Variants in CPAP observed in about 807,000 individuals in gnomAD.
The protein encoded by CPAP is centrosomal P4.1-associated protein.
At chr13:24,892,776 A>G in the CPAP span, 1 of 1,613,828 alleles carries the variant, frequency 6.2e-7, no homozygotes, top group Non-Finnish European at 8.5e-7. Context: ...TAACATTTGT[A>G]TCTGGCTTCT....
chr13:24,915,555 G>A, the CPAP span, among the ~76,000 whole-genome samples: 1 of 152,218 alleles, frequency 6.6e-6, no homozygotes, highest in South Asian at 2.1e-4. Flanking sequence ...TGTAATCCCA[G>A]CACTTTGGGA....
the CPAP span, among the ~76,000 whole-genome samples, chr13:24,898,323 G>A: frequency 6.6e-6 from 1 of 152,116 alleles, no homozygotes; most frequent in African/African-American, 2.4e-5. Flanking sequence ...AGTACAGCGG[G>A]GAGAGAGATG....
the CPAP span, chr13:24,933,577 C>G: frequency 6.3e-6 from 1 of 158,964 alleles, no homozygotes; most frequent in Non-Finnish European, 1.4e-5. Flanking sequence ...GACTCATCTT[C>G]GCAGTGTAGC....
the CPAP span, among the ~76,000 whole-genome samples, chr13:24,924,221 G>A: frequency 0.27 from 41,111 of 151,934 alleles, 5,986 homozygotes; most frequent in Admixed American, 0.37. Context: ...GCCAGACAAG[G>A]ACCCAAACAA....
chr13:24,905,214 CA>C, the CPAP span: 1 of 839,552 alleles, frequency 1.2e-6, no homozygotes, highest in Admixed American at 2.4e-5. Context: ...CAAATTTTTA[CA>C]AATCACCCAT....
the CPAP span, among the ~76,000 whole-genome samples, chr13:24,913,558 G>A: frequency 3.9e-5 from 6 of 152,262 alleles, no homozygotes; most frequent in African/African-American, 1.4e-4. Context: ...AGTTTCACCT[G>A]TCCCTTCCTC....
chr13:24,923,098 C>T, the CPAP span, among the ~76,000 whole-genome samples: 142 of 152,322 alleles, frequency 9.3e-4, no homozygotes, highest in African/African-American at 3.2e-3. Context: ...CCGTGGTGGA[C>T]GTCGCCCCAG....
the CPAP span, chr13:24,889,119 C>T: frequency 9.4e-3 from 5,513 of 587,176 alleles, 53 homozygotes; most frequent in Non-Finnish European, 0.011. Context: ...AATTTAAAAC[C>T]GAAGCATGGA....
At chr13:24,883,868 C>T in the CPAP span, 1 of 1,405,508 alleles carries the variant, frequency 7.1e-7, no homozygotes, top group African/African-American at 1.4e-5. Flanking sequence ...ATGGGTGTCA[C>T]ATATCATCAG....
At chr13:24,891,357 A>G in the CPAP span, among the ~76,000 whole-genome samples, 9 of 151,632 alleles carry the variant, frequency 5.9e-5, no homozygotes, top group Middle Eastern at 3.2e-3. Context: ...TGTGTCCCCA[A>G]CTGGAGCCTG....
the CPAP span, chr13:24,905,743 G>C: frequency 6.2e-7 from 1 of 1,614,106 alleles, no homozygotes. Context: ...TAGACTCATC[G>C]CTACTGTAAT....
At chr13:24,907,152 T>G in the CPAP span, 1 of 1,613,934 alleles carries the variant, frequency 6.2e-7, no homozygotes, top group Non-Finnish European at 8.5e-7. Flanking sequence ...TAAGTAATCT[T>G]CAAAGGTCTG....
the CPAP span, among the ~76,000 whole-genome samples, chr13:24,896,314 C>T: frequency 6.6e-6 from 1 of 152,226 alleles, no homozygotes; most frequent in Non-Finnish European, 1.5e-5. Flanking sequence ...CCAGCCCAGC[C>T]CCTTGCCACC....
the CPAP span, among the ~76,000 whole-genome samples, chr13:24,913,321 T>C: frequency 1.3e-5 from 2 of 152,168 alleles, no homozygotes; most frequent in Non-Finnish European, 2.9e-5. Flanking sequence ...ATTCAATTAC[T>C]AATGATTTTA....
At chr13:24,886,029 T>TA in the CPAP span, 3,603 of 373,200 alleles carry the variant, frequency 9.7e-3, 121 homozygotes, top group African/African-American at 0.07. Context: ...GGTATTTAGT[T>TA]AAAACATAAA....
At chr13:24,892,654 C>G in the CPAP span, 1 of 1,614,036 alleles carries the variant, frequency 6.2e-7, no homozygotes, top group South Asian at 1.1e-5. Context: ...GCAAGCTTGT[C>G]CTTCTTCTCC....
the CPAP span, among the ~76,000 whole-genome samples, chr13:24,903,604 A>G: frequency 3.9e-5 from 6 of 152,258 alleles, no homozygotes; most frequent in African/African-American, 1.4e-4. Context: ...AAAGCCACCC[A>G]GTTGCTGGTA....
chr13:24,928,492 G>A, the CPAP span, among the ~76,000 whole-genome samples: 17 of 152,278 alleles, frequency 1.1e-4, no homozygotes, highest in African/African-American at 3.4e-4. Context: ...GTCCAGTGGC[G>A]TGATCTTGGC....
the CPAP span, among the ~76,000 whole-genome samples, chr13:24,903,029 A>G: frequency 6.6e-6 from 1 of 152,248 alleles, no homozygotes; most frequent in African/African-American, 2.4e-5. Flanking sequence ...CTGCAACAGA[A>G]CTTAGTACTA....
Sources: allele counts gnomAD v4.1 joint callset (sites outside exome capture counted in the v4.1 genomes callset), GRCh38; gene constraint gnomAD v4.1.1; transcripts MANE v1.5; gene names NCBI Gene and HGNC (gene_info 2026-07-23, HGNC 2026-07-21).